The following SNX29 variants were observed in gnomAD, a reference collection of about 807,000 sequenced individuals.
SNX29 encodes the protein sorting nexin-29.
A neutral mutation model predicts 102.1 loss-of-function variants in SNX29; 78 were observed. The ratio of observed to expected loss-of-function variants is 0.76; its 90% CI spans 0.64 to 0.92. The LOEUF is 0.92. Ranked by LOEUF, SNX29 falls within the 40% of genes least tolerant of loss-of-function variation. The pLI is 0.00. For synonymous variants in SNX29, 580 were observed against 414.5 expected, an observed-to-expected ratio of 1.40 and a Z score of -4.85; for missense variants, 1,280 against 1,061.7, an observed-to-expected ratio of 1.21 and a Z score of -2.86.
intron 10 of SNX29, among the ~76,000 whole-genome samples, chr16:12,073,616 G>T: frequency 6.6e-6 from 1 of 152,136 alleles, no homozygotes; most frequent in Admixed American, 6.6e-5. Context: ...AATAGATGTG[G>T]TGTGGTGCTG....
intron 13 of SNX29, among the ~76,000 whole-genome samples, chr16:12,193,497 C>T (rs1001587952): frequency 6.7e-6 from 1 of 150,116 alleles, no homozygotes; most frequent in South Asian, 2.1e-4. Context: ...AAGTCTTTCA[C>T]ATAGCAAATC....
intron 1 of SNX29, among the ~76,000 whole-genome samples, chr16:11,985,893 C>T (rs752905267): frequency 1.1e-4 from 16 of 148,468 alleles, no homozygotes; most frequent in Non-Finnish European, 1.0e-4. Context: ...ACTGTAGTGG[C>T]GTGATCTTGG....
chr16:12,396,495 T>C (rs899846878), intron 16 of SNX29, among the ~76,000 whole-genome samples: 1 of 152,110 alleles, frequency 6.6e-6, no homozygotes, highest in African/African-American at 2.4e-5. Context: ...TTGATCCCCA[T>C]AGCGTGCCCA....
At chr16:12,162,342 G>A (rs547619890) in intron 13 of SNX29, among the ~76,000 whole-genome samples, 1 of 152,276 alleles carries the variant, frequency 6.6e-6, no homozygotes, top group East Asian at 1.9e-4. Context: ...TCAATACTTG[G>A]TTGGCTGACT....
intron 6 of SNX29, among the ~76,000 whole-genome samples, chr16:12,047,567 A>G (rs1055576967): frequency 1.3e-5 from 2 of 151,752 alleles, no homozygotes; most frequent in Admixed American, 6.6e-5. Context: ...AATACTTACA[A>G]TCCTGTGAGG....
At chr16:12,058,169 T>G (rs1011764647) in intron 8 of SNX29, among the ~76,000 whole-genome samples, 1 of 152,100 alleles carries the variant, frequency 6.6e-6, no homozygotes, top group Non-Finnish European at 1.5e-5. Flanking sequence ...CTCAACATTT[T>G]GCTTCATTAC....
intron 1 of SNX29, among the ~76,000 whole-genome samples, chr16:11,995,094 C>T (rs1009045603): frequency 1.3e-5 from 2 of 152,190 alleles, no homozygotes; most frequent in African/African-American, 2.4e-5. Context: ...TTGAGACACT[C>T]TCACTCTGTT....
At chr16:12,451,916 C>G (rs1216746350) in intron 18 of SNX29, among the ~76,000 whole-genome samples, 1 of 152,166 alleles carries the variant, frequency 6.6e-6, no homozygotes, top group Non-Finnish European at 1.5e-5. Flanking sequence ...TACCGGATAC[C>G]TCCAGTTCTC....
At chr16:12,356,373 A>C in intron 16 of SNX29, 94 bp downstream of exon 16, 1 of 1,157,424 alleles carries the variant, frequency 8.6e-7, no homozygotes. Context: ...GCAACCATGC[A>C]TCCACTGGCC....
chr16:12,450,033 A>T (rs2086236107), intron 18 of SNX29, among the ~76,000 whole-genome samples: 1 of 151,900 alleles, frequency 6.6e-6, no homozygotes, highest in South Asian at 2.1e-4. Context: ...TTCTCAGGAG[A>T]GCTGATGGTT....
intron 16 of SNX29, among the ~76,000 whole-genome samples, chr16:12,365,604 C>T (rs899284767): frequency 2.0e-5 from 3 of 149,978 alleles, no homozygotes; most frequent in Non-Finnish European, 4.4e-5. Context: ...GCAGGAGAAT[C>T]GCTTGAACCC....
At chr16:12,274,503 C>G (rs1477768888) in intron 14 of SNX29, among the ~76,000 whole-genome samples, 1 of 151,262 alleles carries the variant, frequency 6.6e-6, no homozygotes, top group Non-Finnish European at 1.5e-5. Flanking sequence ...TTGATCTCTT[C>G]TCCATTTGGA....
In SNX29 at chr16:12,571,664, G is replaced by C. The variant is rs1314514520; in HGVS notation, c.*3035G>C. Reference sequence around the variant, plus strand: ...ATGAAAGACGACTCAGGAACGGTAGGGCTGGGCAGAGGTGTCTCTCCTTGA... The same window carrying C: ...ATGAAAGACGACTCAGGAACGGTAGCGCTGGGCAGAGGTGTCTCTCCTTGA... On this transcript the variant is annotated 3_prime_UTR_variant, in exon 21 of 21. Coordinates refer to ENST00000566228, the MANE Select transcript of SNX29 (RefSeq NM_032167.5). The C allele has an allele frequency of 3.8e-6, 4 of 1,059,620 alleles. No individual in the cohort carries two copies. The highest frequency in any genetic ancestry group is 4.6e-6 in the Non-Finnish European group (4 of 876,000). 65.6% of individuals were successfully genotyped at this position (1,059,620 alleles called of 1,614,324 possible). A position where few individuals can be genotyped will look rare whatever the true frequency, so the allele number is the denominator to read the frequency against.
At chr16:12,530,579 C>T (rs1280101751) in intron 20 of SNX29, among the ~76,000 whole-genome samples, 1 of 150,568 alleles carries the variant, frequency 6.6e-6, no homozygotes, top group Non-Finnish European at 1.5e-5. Flanking sequence ...TGGTGGGGAA[C>T]AGTTGCGCTC....
At chr16:12,039,211 C>A (rs1307166570) in intron 4 of SNX29, among the ~76,000 whole-genome samples, 1 of 152,374 alleles carries the variant, frequency 6.6e-6, no homozygotes, top group East Asian at 1.9e-4. Flanking sequence ...AATTATTAAG[C>A]AAATGCTGAT....
chr16:12,063,674 C>T (rs34352258), intron 9 of SNX29, among the ~76,000 whole-genome samples: 27,267 of 151,834 alleles, frequency 0.18, 2,905 homozygotes, highest in South Asian at 0.33. Context: ...CCACCGTGCC[C>T]GGCCTTTTCT....
At chr16:12,299,735 G>A (rs2080100973) in intron 15 of SNX29, among the ~76,000 whole-genome samples, 2 of 145,922 alleles carry the variant, frequency 1.4e-5, no homozygotes, top group African/African-American at 5.1e-5. Flanking sequence ...TTTTTTAGTA[G>A]ACTATATATT....
chr16:12,463,817 A>AGTGTGTGTGT (rs143006476), intron 18 of SNX29, among the ~76,000 whole-genome samples: 5,862 of 143,314 alleles, frequency 0.041, 177 homozygotes, highest in Middle Eastern at 0.088. Flanking sequence ...TCCCGAAGTG[A>AGTGTGTGTGT]GTGTGTGTGT....
rs1382861037 is a variant in SNX29 at position 12,573,534 on chromosome 16, G to A, written c.*4905G>A. On this transcript the variant is annotated 3_prime_UTR_variant, in exon 21 of 21. Transcript: ENST00000566228. ...GCCCAGGGATTTAGTTCTTACTGGT[G>A]CGTAAGTGTTTTCCCATCCTAACCG... 4 of 224,928 alleles carry A rather than the reference G, an allele frequency of 1.8e-5. No homozygotes were observed. In the East Asian group the frequency reaches 2.6e-4, roughly 14 times the overall value. The allele number at this position is 224,928 out of a possible 1,614,324, so 13.9% of individuals were successfully genotyped here.
Sources: allele counts gnomAD v4.1 joint callset (sites outside exome capture counted in the v4.1 genomes callset), GRCh38; gene constraint gnomAD v4.1.1; transcripts MANE v1.5; gene names NCBI Gene and HGNC (gene_info 2026-07-23, HGNC 2026-07-21).